ME1: variants seen among roughly 807,000 people sequenced by gnomAD.
ME1 encodes the protein NADP-dependent malic enzyme.
Under a neutral mutation model 66.4 loss-of-function variants are expected in ME1, and 74 were observed. The observed-to-expected ratio is 1.11, with a 90% CI of 0.92 to 1.35. ME1 has a LOEUF of 1.35. Among genes scored for constraint, ME1 ranks in the 40% most tolerant of loss-of-function variants. ME1 has a pLI of 0.00. For missense variants in ME1, 750 were observed against 694.1 expected, an observed-to-expected ratio of 1.08 and a Z score of -0.90; for synonymous variants, 251 against 235.6, an observed-to-expected ratio of 1.07 and a Z score of -0.60.
intron 3 of ME1, among the ~76,000 whole-genome samples, chr6:83,380,277 A>G (rs1347463230): frequency 2.0e-5 from 3 of 152,082 alleles, no homozygotes; most frequent in African/African-American, 7.2e-5. Flanking sequence ...TAGGAAAGAG[A>G]TGACAGAGAA....
chr6:83,375,597 C>T (rs1315548668), intron 3 of ME1, among the ~76,000 whole-genome samples: 1 of 152,072 alleles, frequency 6.6e-6, no homozygotes, highest in Non-Finnish European at 1.5e-5. Flanking sequence ...CTTTCTCTTT[C>T]CTGATTGCCC....
At chr6:83,411,331 T>C (rs1770045576) in intron 1 of ME1, among the ~76,000 whole-genome samples, 1 of 151,360 alleles carries the variant, frequency 6.6e-6, no homozygotes, top group Admixed American at 6.6e-5. Context: ...GCCACTGCAC[T>C]CCAGCCTAGG....
chr6:83,243,067 G>A (rs1189295779), intron 7 of ME1, among the ~76,000 whole-genome samples: 1 of 151,668 alleles, frequency 6.6e-6, no homozygotes, highest in African/African-American at 2.4e-5. Context: ...AGACCAGCCT[G>A]GGCAACATAG....
At chr6:83,269,419 A>T (rs554252310) in intron 6 of ME1, among the ~76,000 whole-genome samples, 1 of 152,278 alleles carries the variant, frequency 6.6e-6, no homozygotes, top group Admixed American at 6.5e-5. Context: ...CCATATTTGG[A>T]TTTCATAATA....
At chr6:83,412,118 T>C (rs1770058913) in intron 1 of ME1, among the ~76,000 whole-genome samples, 1 of 152,204 alleles carries the variant, frequency 6.6e-6, no homozygotes, top group Non-Finnish European at 1.5e-5. Flanking sequence ...GAGTAATTTA[T>C]CAGAAACTAT....
chr6:83,306,436 C>G (rs1183474379), intron 6 of ME1, among the ~76,000 whole-genome samples: 1 of 151,850 alleles, frequency 6.6e-6, no homozygotes, highest in African/African-American at 2.4e-5. Context: ...ATATTAAGGG[C>G]TTTCTCTATA....
At chr6:83,357,935 C>CTCTCTA (rs1447805761) in intron 3 of ME1, among the ~76,000 whole-genome samples, 21 of 30,038 alleles carry the variant, frequency 7.0e-4, no homozygotes, top group Admixed American at 1.4e-3. Context: ...CTCTCTCTCT[C>CTCTCTA]TATATATATA....
At chr6:83,251,181 T>C (rs1790716830) in intron 7 of ME1, among the ~76,000 whole-genome samples, 1 of 152,198 alleles carries the variant, frequency 6.6e-6, no homozygotes, top group South Asian at 2.1e-4. Context: ...TTAGTTGGAA[T>C]GGAGACACTG....
chr6:83,243,920 G>C (rs1790566841), intron 7 of ME1, among the ~76,000 whole-genome samples: 1 of 142,802 alleles, frequency 7.0e-6, no homozygotes, highest in African/African-American at 2.6e-5. Context: ...TTAAAACCCA[G>C]ATCTGCATCC....
intron 2 of ME1, among the ~76,000 whole-genome samples, chr6:83,405,116 T>C (rs907055865): frequency 2.0e-5 from 3 of 152,222 alleles, no homozygotes; most frequent in Non-Finnish European, 4.4e-5. Flanking sequence ...ATTTTCACAA[T>C]ATTGATTCTT....
chr6:83,299,987 G>T (rs1206393029), intron 6 of ME1, among the ~76,000 whole-genome samples: 2 of 152,280 alleles, frequency 1.3e-5, no homozygotes, highest in East Asian at 3.9e-4. Context: ...TTGACGTGCT[G>T]CTGGATTCGG....
intron 3 of ME1, among the ~76,000 whole-genome samples, chr6:83,388,093 T>C (rs1769548691): frequency 6.8e-6 from 1 of 146,250 alleles, no homozygotes; most frequent in Non-Finnish European, 1.5e-5. Flanking sequence ...CTTCCTTCCT[T>C]TTTTTTTTTG....
intron 6 of ME1, among the ~76,000 whole-genome samples, chr6:83,277,901 A>AAATAATAATAATAACAATAATAATAAT (rs1554264916): frequency 2.1e-5 from 3 of 144,112 alleles, no homozygotes; most frequent in African/African-American, 7.8e-5. Flanking sequence ...CTGTATCTCA[A>AAATAATAATAATAACAATAATAATAAT]AATAATAATA....
intron 3 of ME1, among the ~76,000 whole-genome samples, chr6:83,381,963 T>C (rs146346160): frequency 8.3e-4 from 126 of 152,158 alleles, no homozygotes; most frequent in African/African-American, 3.0e-3. Context: ...TCAAACTTCA[T>C]CTCATGCCAC....
intron 3 of ME1, among the ~76,000 whole-genome samples, chr6:83,378,202 G>C (rs1283700547): frequency 6.6e-6 from 1 of 151,394 alleles, no homozygotes; most frequent in East Asian, 1.9e-4. Context: ...CAATGGGGGG[G>C]TGGGGAAAAG....
At chr6:83,374,441 TG>T (rs2128547585) in intron 3 of ME1, among the ~76,000 whole-genome samples, 1 of 152,302 alleles carries the variant, frequency 6.6e-6, no homozygotes, top group East Asian at 1.9e-4. Context: ...CACTTTTTGA[TG>T]GGGTTGTTTG....
At chr6:83,403,105 G>A (rs1441816003) in intron 2 of ME1, among the ~76,000 whole-genome samples, 3 of 152,174 alleles carry the variant, frequency 2.0e-5, no homozygotes, top group African/African-American at 2.4e-5. Context: ...GAATATCGAC[G>A]AGAGTAAACA....
chr6:83,421,070 C>A (rs374687129), intron 1 of ME1, among the ~76,000 whole-genome samples: 3 of 152,078 alleles, frequency 2.0e-5, no homozygotes, highest in Non-Finnish European at 4.4e-5. Flanking sequence ...AAATTCTGAA[C>A]GTCGAACTTG....
intron 3 of ME1, among the ~76,000 whole-genome samples, chr6:83,358,317 C>T (rs763075615): frequency 1.3e-5 from 2 of 151,984 alleles, no homozygotes; most frequent in African/African-American, 2.4e-5. Flanking sequence ...TATCTTTGAG[C>T]CTATGTGGTG....
Sources: gnomAD v4.1 joint callset for allele counts (sites outside exome capture counted in the v4.1 genomes callset) on GRCh38, gnomAD v4.1.1 for gene constraint, MANE v1.5 for transcripts, NCBI Gene and HGNC (gene_info 2026-07-23, HGNC 2026-07-21) for gene names.